JAM3: variants seen among roughly 807,000 people sequenced by gnomAD.
The protein encoded by JAM3 is junctional adhesion molecule 3.
A neutral mutation model predicts 39.4 loss-of-function variants in JAM3; 31 were observed. The observed-to-expected ratio is 0.79, with a 90% confidence interval of 0.59 to 1.06. The LOEUF (loss-of-function observed/expected upper bound fraction) is 1.06. Ranked by LOEUF, JAM3 falls within the 50% of genes least tolerant of loss-of-function variation. The pLI, the probability that JAM3 is intolerant of heterozygous loss-of-function variation, is 0.00. For missense variants in JAM3, 455 were observed against 391.4 expected, an observed-to-expected ratio of 1.16 and a Z score of -1.37; for synonymous variants, 182 against 148.7, an observed-to-expected ratio of 1.22 and a Z score of -1.63.
intron 1 of JAM3, among the ~76,000 whole-genome samples, chr11:134,098,162 G>C (rs1038191721): frequency 6.6e-6 from 1 of 152,142 alleles, no homozygotes; most frequent in African/African-American, 2.4e-5. Context: ...CTCTCCAGGG[G>C]AAGAAGAGCT....
rs770928978 is a variant in JAM3 at position 134,139,914 on chromosome 11, A to C, written c.140A>C (p.Glu47Ala). 6.2e-7 allele frequency: 1 copy of C among 1,612,428 alleles called. No individual in the cohort carries two copies. Among genetic ancestry groups the C allele is most frequent in the South Asian group, 1.1e-5 (1 of 91,042 alleles). Residue 47 changes from glutamate to alanine, a missense_variant and splice_region_variant, in exon 2 of 9, where the codon GAA (glutamate) becomes GCA (alanine). By Grantham distance (107) the Glu-to-Ala change is moderately radical. Transcript: ENST00000299106. ...SNRTPVVQEF[E>A]SVELSCIITD... ...CGAACCCCAGTGGTACAGGAATTTG[A>C]AAGTAAGTACAAACGAAATGCCTAG...
intron 1 of JAM3, among the ~76,000 whole-genome samples, chr11:134,107,810 C>G (rs1047196498): frequency 2.6e-5 from 4 of 151,934 alleles, no homozygotes; most frequent in Non-Finnish European, 5.9e-5. Flanking sequence ...CTACAGTGAG[C>G]TAATATTACG....
intron 5 of JAM3, 34 bp from the exon 6 acceptor site, chr11:134,145,912 G>T: frequency 6.9e-7 from 1 of 1,457,932 alleles, no homozygotes; most frequent in Non-Finnish European, 9.6e-7. Context: ...CCCCATGATG[G>T]GTCCGATTAT....
Position 134,144,331 on chromosome 11 carries a change from A to G in JAM3, c.347A>G (p.Glu116Gly). 2 of 1,614,220 alleles carry G rather than the reference A, an allele frequency of 1.2e-6. No homozygotes were observed. Among genetic ancestry groups the G allele is most frequent in the Non-Finnish European group, 1.7e-6 (2 of 1,180,038 alleles). Residue 116 changes from glutamate (E) to glycine (G), a missense_variant, in exon 4 of 9, where the codon GAG (glutamate) becomes GGG (glycine). By Grantham distance (98) the Glu-to-Gly change is moderately conservative. Transcript: ENST00000299106. ...AGAGACTCAGCCCTTTATCGCTGTG[A>G]GGTCGTTGCTCGAAATGACCGCAAG... ...TRRDSALYRC[E>G]VVARNDRKEI... is the part of the protein sequence containing the mutation.
At chr11:134,076,712 T>A (rs555778313) in intron 1 of JAM3, among the ~76,000 whole-genome samples, 1 of 151,772 alleles carries the variant, frequency 6.6e-6, no homozygotes, top group East Asian at 1.9e-4. Flanking sequence ...TTTTTTATTT[T>A]ATTTAATTTT....
chr11:134,135,852 TGA>T (rs1347064360), intron 1 of JAM3, among the ~76,000 whole-genome samples: 2 of 152,112 alleles, frequency 1.3e-5, no homozygotes, highest in Non-Finnish European at 2.9e-5. Context: ...GTAGAACACC[TGA>T]GATCAGGAGT....
intron 1 of JAM3, among the ~76,000 whole-genome samples, chr11:134,074,062 G>A (rs1941525346): frequency 6.6e-6 from 1 of 152,192 alleles, no homozygotes. Flanking sequence ...GAAAAAGATG[G>A]AGAAATGCTT....
rs538488635 is a variant in JAM3 at position 134,121,262 on chromosome 11, G to C, written c.77-18589G>C. Reference sequence around the variant, plus strand: ...TCCGCAGACTCTGGCAGAGTTTCCGGAAGGTCTCTCAAAACTGAAATAAGA... The same window carrying C: ...TCCGCAGACTCTGGCAGAGTTTCCGCAAGGTCTCTCAAAACTGAAATAAGA... On this transcript the variant is annotated intron_variant, in intron 1 of 8. Coordinates refer to ENST00000299106, the MANE Select transcript of JAM3 (RefSeq NM_032801.5). Among the ~76,000 whole-genome samples, 29 of 152,326 alleles carry C rather than the reference G, an allele frequency of 1.9e-4. No individual in the cohort carries two copies. The East Asian group carries it at 5.2e-3, about 27-fold the overall frequency.
chr11:134,132,990 A>C (rs915685898), intron 1 of JAM3, among the ~76,000 whole-genome samples: 4 of 152,150 alleles, frequency 2.6e-5, no homozygotes, highest in Non-Finnish European at 4.4e-5. Flanking sequence ...ATCTGGAGAC[A>C]GTGTTTTGAC....
In JAM3 at chr11:134,144,678, G is replaced by A. The variant is rs939761353; in HGVS notation, c.410-114G>A. 1.0e-5 allele frequency: 10 copies of A among 977,250 alleles called. No individual in the cohort carries two copies. The African/African-American group carries it at 1.1e-4, about 11-fold the overall frequency. 60.5% of individuals were successfully genotyped at this position (977,250 alleles called of 1,614,324 possible). A position where few individuals can be genotyped will look rare whatever the true frequency, so the allele number is the denominator to read the frequency against. On this transcript the variant is annotated intron_variant, in intron 4 of 8. Coordinates refer to ENST00000299106, the MANE Select transcript of JAM3 (RefSeq NM_032801.5). ...CAGTTGTGATCCTGGGAACAGCAGT[G>A]GCGTGGGAACCCCTCGACTGGCTGT...
chr11:134,099,488 G>A (rs142921004), intron 1 of JAM3, among the ~76,000 whole-genome samples: 2 of 152,326 alleles, frequency 1.3e-5, no homozygotes, highest in Non-Finnish European at 2.9e-5. Flanking sequence ...TTGAGGATAA[G>A]ACAGTATTTG....
intron 6 of JAM3, among the ~76,000 whole-genome samples, chr11:134,147,373 G>T (rs1943092998): frequency 7.0e-6 from 1 of 143,000 alleles, no homozygotes; most frequent in Admixed American, 7.2e-5. Flanking sequence ...AGGATCCCTT[G>T]AACCCGGGAG....
intron 1 of JAM3, among the ~76,000 whole-genome samples, chr11:134,139,067 GAAT>G (rs1364983936): frequency 4.6e-5 from 7 of 152,288 alleles, no homozygotes; most frequent in East Asian, 3.9e-4. Flanking sequence ...GGCAGCTAAA[GAAT>G]AATATTTTGT....
chr11:134,121,202 C>T (rs1373155316), intron 1 of JAM3, among the ~76,000 whole-genome samples: 1 of 152,150 alleles, frequency 6.6e-6, no homozygotes, highest in Admixed American at 6.5e-5. Context: ...TTTAAACAAG[C>T]GAAGTGATTG....
At chr11:134,108,753 T>TA (rs933204162) in intron 1 of JAM3, among the ~76,000 whole-genome samples, 25 of 152,058 alleles carry the variant, frequency 1.6e-4, no homozygotes, top group South Asian at 8.3e-4. Context: ...CCATTTATGA[T>TA]AAAAAAAACT....
chr11:134,091,338 TAAA>T (rs988512278), intron 1 of JAM3, among the ~76,000 whole-genome samples: 1 of 151,750 alleles, frequency 6.6e-6, no homozygotes, highest in African/African-American at 2.4e-5. Context: ...TACTAAAAAT[TAAA>T]AAAATTAGCC....
intron 1 of JAM3, among the ~76,000 whole-genome samples, chr11:134,108,401 G>A (rs1942243161): frequency 1.3e-5 from 2 of 151,806 alleles, no homozygotes; most frequent in African/African-American, 4.8e-5. Flanking sequence ...TTCCAACAAA[G>A]TGAAAAGAAA....
intron 1 of JAM3, among the ~76,000 whole-genome samples, chr11:134,122,308 C>T (rs1396878891): frequency 6.6e-6 from 1 of 152,140 alleles, no homozygotes; most frequent in Non-Finnish European, 1.5e-5. Flanking sequence ...GACTTTAAGC[C>T]TGTATTCAGA....
chr11:134,131,240 G>T (rs141325245), intron 1 of JAM3, among the ~76,000 whole-genome samples: 2 of 138,582 alleles, frequency 1.4e-5, no homozygotes, highest in African/African-American at 5.2e-5. Context: ...TTTTGGGGGG[G>T]CGGGGGGGTG....
Sources: gnomAD v4.1 joint callset for allele counts (sites outside exome capture counted in the v4.1 genomes callset) on GRCh38, gnomAD v4.1.1 for gene constraint, MANE v1.5 for transcripts, NCBI Gene and HGNC (gene_info 2026-07-23, HGNC 2026-07-21) for gene names.